The following STARD13 variants were observed in gnomAD, a reference collection of about 807,000 sequenced individuals.
STARD13 encodes StAR related lipid transfer domain containing 13.
STARD13 carries 62 observed loss-of-function variants against 106.4 expected under a neutral mutation model. That is an observed-to-expected ratio of 0.58 (90% confidence interval 0.48 to 0.72). The LOEUF is 0.72. Ranked by LOEUF, STARD13 falls within the 30% of genes least tolerant of loss-of-function variation. The pLI is 0.00. For synonymous variants in STARD13, 565 were observed against 553.0 expected, an observed-to-expected ratio of 1.02 and a Z score of -0.31; for missense variants, 1,387 against 1,424.0, an observed-to-expected ratio of 0.97 and a Z score of 0.42.
chr13:33,427,652 C>T, the STARD13 span, among the ~76,000 whole-genome samples: 3 of 152,062 alleles, frequency 2.0e-5, no homozygotes, highest in South Asian at 2.1e-4. Flanking sequence ...GTGGCTAGTC[C>T]GTAACATAAA....
At chr13:33,161,966 GC>G (rs1294479720) in intron 3 of STARD13, among the ~76,000 whole-genome samples, 1 of 152,084 alleles carries the variant, frequency 6.6e-6, no homozygotes, top group Admixed American at 6.5e-5. Context: ...GGGGGAAACT[GC>G]CCCCCATGAT....
chr13:33,629,963 T>C, the STARD13 span, among the ~76,000 whole-genome samples: 3 of 152,320 alleles, frequency 2.0e-5, no homozygotes, highest in African/African-American at 4.8e-5. Context: ...TATAAAAAAA[T>C]AAAATGCACG....
intron 1 of STARD13, among the ~76,000 whole-genome samples, chr13:33,342,269 A>G (rs1012369447): frequency 3.3e-5 from 5 of 152,220 alleles, no homozygotes; most frequent in Admixed American, 2.0e-4. Flanking sequence ...TGATCAGACT[A>G]TTCCTGGGTA....
intron 1 of STARD13, among the ~76,000 whole-genome samples, chr13:33,307,469 G>T (rs6561837): frequency 6.6e-6 from 1 of 152,214 alleles, no homozygotes; most frequent in Non-Finnish European, 1.5e-5. Context: ...CCATGGAATA[G>T]TATGCAGCCA....
rs756031221 is a variant in STARD13, at chr13:33,129,599, C to G, written c.1078G>C (p.Gly360Arg). The G allele has an allele frequency of 1.2e-6, 2 of 1,614,086 alleles. No individual in the cohort carries two copies. The highest frequency in any genetic ancestry group is 1.7e-6 in the Non-Finnish European group (2 of 1,180,038). ...TCTAGGTCCTCCAAGTACATGCCCCCGCGCTTGTTGGCCTCGTGGCACTTG... is the reference window on the plus strand; with the variant it reads ...TCTAGGTCCTCCAAGTACATGCCCCGGCGCTTGTTGGCCTCGTGGCACTTG... ...ERKCHEANKR[G>R]GMYLEDLDVL... The change falls in exon 5 of 14, where the codon GGG becomes CGG. Residue 360 changes from glycine to arginine, a missense_variant. Gly to Arg is a moderately radical substitution (Grantham distance 125). Coordinates refer to ENST00000336934, the MANE Select transcript of STARD13 (RefSeq NM_178006.4).
At chr13:33,648,309 G>C in the STARD13 span, among the ~76,000 whole-genome samples, 2 of 152,326 alleles carry the variant, frequency 1.3e-5, no homozygotes, top group East Asian at 3.9e-4. Flanking sequence ...TGGATGAGCA[G>C]AGGCTTTGAA....
intron 1 of STARD13, among the ~76,000 whole-genome samples, chr13:33,249,910 C>T (rs909979605): frequency 3.3e-5 from 5 of 152,148 alleles, no homozygotes; most frequent in African/African-American, 9.7e-5. Flanking sequence ...CCACCTCAGC[C>T]TCCTGGGTAG....
intron 1 of STARD13, among the ~76,000 whole-genome samples, chr13:33,324,562 A>G (rs1428636416): frequency 6.6e-6 from 1 of 152,186 alleles, no homozygotes; most frequent in African/African-American, 2.4e-5. Flanking sequence ...CTGCTTTTCT[A>G]TTTTAAAAAA....
the STARD13 span, among the ~76,000 whole-genome samples, chr13:33,376,697 A>G: frequency 9.2e-5 from 14 of 152,142 alleles, no homozygotes; most frequent in African/African-American, 3.4e-4. Flanking sequence ...TTATGGAAGG[A>G]TGAAGCTTTG....
chr13:33,581,627 A>G, the STARD13 span, among the ~76,000 whole-genome samples: 767 of 152,294 alleles, frequency 5.0e-3, 3 homozygotes, highest in Non-Finnish European at 9.0e-3. Context: ...TATAAATACC[A>G]GGTAACTTAT....
the STARD13 span, among the ~76,000 whole-genome samples, chr13:33,479,632 G>A: frequency 2.0e-5 from 3 of 152,148 alleles, no homozygotes; most frequent in Admixed American, 2.0e-4. Flanking sequence ...ATATACTTTG[G>A]ATATGTGTCC....
intron 1 of STARD13, among the ~76,000 whole-genome samples, chr13:33,192,840 G>A (rs1356503915): frequency 6.6e-6 from 1 of 152,164 alleles, no homozygotes; most frequent in African/African-American, 2.4e-5. Context: ...AGAGGTTGCA[G>A]TGAGCCGAGA....
chr13:33,616,281 A>G, the STARD13 span, among the ~76,000 whole-genome samples: 1 of 152,116 alleles, frequency 6.6e-6, no homozygotes, highest in Admixed American at 6.5e-5. Flanking sequence ...GGAAGGGAAG[A>G]GAAGGGAAAA....
chr13:33,270,230 G>A (rs575259034), intron 1 of STARD13, among the ~76,000 whole-genome samples: 13 of 152,086 alleles, frequency 8.5e-5, no homozygotes, highest in Admixed American at 2.6e-4. Flanking sequence ...AGTGAGACTC[G>A]GCCTAAAACA....
At chr13:33,599,759 C>A in the STARD13 span, among the ~76,000 whole-genome samples, 1 of 151,980 alleles carries the variant, frequency 6.6e-6, no homozygotes, top group Non-Finnish European at 1.5e-5. Context: ...AAACATAATG[C>A]CATTTAATAA....
the STARD13 span, among the ~76,000 whole-genome samples, chr13:33,577,070 C>A: frequency 1.3e-5 from 2 of 152,178 alleles, no homozygotes; most frequent in African/African-American, 2.4e-5. Flanking sequence ...ACATTTTTAT[C>A]ATTTAATCAT....
chr13:33,301,802 T>G (rs1372072195), intron 1 of STARD13, among the ~76,000 whole-genome samples: 25 of 151,968 alleles, frequency 1.6e-4, no homozygotes, highest in Admixed American at 1.6e-3. Flanking sequence ...TCTCCTAACC[T>G]CGTGATCCAC....
the STARD13 span, among the ~76,000 whole-genome samples, chr13:33,653,982 C>T: frequency 6.6e-6 from 1 of 152,162 alleles, no homozygotes; most frequent in East Asian, 1.9e-4. Flanking sequence ...CAATGAGATA[C>T]CACTTCACAG....
Position 33,118,243 on chromosome 13 carries a change from T to G in STARD13, c.2103A>C (p.Ser701=). The change falls in exon 8 of 14, where the codon TCA becomes TCC. Residue 701 remains serine, a synonymous_variant. Transcript: ENST00000336934. ...CLDQVGLFRK[S]GVKSRIHALR... is the part of the protein sequence containing the mutation. Reference sequence around the variant, plus strand: ...GGGCATGGATTCGAGACTTCACTCCTGATTTGCGAAAAAGACCCACCTGAA... The same window carrying G: ...GGGCATGGATTCGAGACTTCACTCCGGATTTGCGAAAAAGACCCACCTGAA... 1 of 1,614,236 alleles carries G rather than the reference T, an allele frequency of 6.2e-7. No homozygotes were observed. Among genetic ancestry groups the G allele is most frequent in the Non-Finnish European group, 8.5e-7 (1 of 1,180,044 alleles).
Sources: allele counts gnomAD v4.1 joint callset (sites outside exome capture counted in the v4.1 genomes callset), GRCh38; gene constraint gnomAD v4.1.1; transcripts MANE v1.5; gene names NCBI Gene and HGNC (gene_info 2026-07-23, HGNC 2026-07-21).